The following C11orf65 variants were observed in gnomAD, a reference collection of about 807,000 sequenced individuals.
C11orf65 encodes the protein protein MFI.
A neutral mutation model predicts 35.3 loss-of-function variants in C11orf65; 38 were observed. The ratio of observed to expected loss-of-function variants is 1.08; its 90% CI spans 0.83 to 1.41. The LOEUF is 1.41. Ranked by LOEUF, C11orf65 falls within the 40% of genes most tolerant of loss-of-function variation. The pLI, the probability that C11orf65 is intolerant of heterozygous loss-of-function variation, is 0.00. For missense variants in C11orf65, 370 were observed against 367.1 expected (o/e 1.01, Z -0.06); for synonymous variants, 105 against 114.4 (o/e 0.92, Z 0.53).
intron 7 of C11orf65, among the ~76,000 whole-genome samples, chr11:108,391,128 A>G (rs537648971): frequency 4.7e-5 from 7 of 149,156 alleles, no homozygotes; most frequent in African/African-American, 1.7e-4. Flanking sequence ...TTCCTACCCC[A>G]TTTTCTTATC....
At chr11:108,375,614 G>A (rs1044065182) in intron 2 of C11orf65, among the ~76,000 whole-genome samples, 2 of 152,006 alleles carry the variant, frequency 1.3e-5, no homozygotes, top group Non-Finnish European at 2.9e-5. Context: ...CATAATGACA[G>A]GATCAAATTC....
At chr11:108,448,633 C>T (rs555796269) in intron 2 of C11orf65, among the ~76,000 whole-genome samples, 3 of 152,210 alleles carry the variant, frequency 2.0e-5, no homozygotes, top group Non-Finnish European at 4.4e-5. Flanking sequence ...TGGGACGTAT[C>T]TCAAAATAAT....
rs2086241714 is a variant in C11orf65, at chr11:108,331,591, ATT to A, written c.300-26_300-25del. The A allele has an allele frequency of 2.6e-6, 4 of 1,546,680 alleles. No individual in the cohort carries two copies. The African/African-American group carries it at 5.5e-5, about 21-fold the overall frequency. On this transcript the variant is annotated intron_variant, in intron 3 of 3. Coordinates refer to the C11orf65 transcript ENST00000524755. ...ACCTGAAAATCAAACCACAATAATT[ATT>A]TTTATTCTATTATTACTATATATTA...
chr11:108,466,539 A>C (rs2093541036), intron 1 of C11orf65, among the ~76,000 whole-genome samples: 1 of 152,102 alleles, frequency 6.6e-6, no homozygotes, highest in Admixed American at 6.6e-5. Flanking sequence ...ACGCCACTGC[A>C]CTCAGCCTGG....
chr11:108,362,838 T>G (rs1280869983), intron 2 of C11orf65, among the ~76,000 whole-genome samples: 3 of 148,492 alleles, frequency 2.0e-5, no homozygotes, highest in African/African-American at 7.4e-5. Flanking sequence ...TTGGGAGATA[T>G]ACCTAATGCT....
At chr11:108,313,072 G>A (rs1019232936) in intron 6 of C11orf65, among the ~76,000 whole-genome samples, 1 of 152,102 alleles carries the variant, frequency 6.6e-6, no homozygotes, top group African/African-American at 2.4e-5. Context: ...AGGAAATCTC[G>A]CCACATCCCA....
In C11orf65 at chr11:108,373,714, G is replaced by C. The variant is rs551022749; in HGVS notation, c.226+19494C>G. Reference sequence around the variant, plus strand: ...AGCGCACCGTGCGCCAGCCGAAGCAGGGCGTGGCATCGCATCACACGGGAA... The same window carrying C: ...AGCGCACCGTGCGCCAGCCGAAGCACGGCGTGGCATCGCATCACACGGGAA... On this transcript the variant is annotated intron_variant, in intron 2 of 3. Transcript: ENST00000524755. Among the ~76,000 whole-genome samples, 37 of 152,364 alleles carry C rather than the reference G, an allele frequency of 2.4e-4. No individual in the cohort carries two copies. The East Asian group carries it at 6.9e-3, about 29-fold the overall frequency.
chr11:108,389,802 C>T (rs1004663994), intron 7 of C11orf65, among the ~76,000 whole-genome samples: 5 of 151,564 alleles, frequency 3.3e-5, no homozygotes, highest in African/African-American at 1.2e-4. Flanking sequence ...TCATGCCATT[C>T]TCCTGCCTCG....
intron 6 of C11orf65, among the ~76,000 whole-genome samples, chr11:108,313,418 C>A (rs1042327901): frequency 6.6e-6 from 1 of 152,166 alleles, no homozygotes; most frequent in East Asian, 1.9e-4. Context: ...GCATTTCCCC[C>A]CCTTCCATTT....
At chr11:108,396,607 G>A (rs961207871) in intron 6 of C11orf65, among the ~76,000 whole-genome samples, 11 of 151,554 alleles carry the variant, frequency 7.3e-5, no homozygotes, top group South Asian at 2.1e-4. Context: ...CAAGGCGGGC[G>A]GATCACGAGG....
chr11:108,405,504 T>C lies in C11orf65; in HGVS notation c.485A>G (p.His162Arg), dbSNP rs2092524834. The C allele has an allele frequency of 1.2e-6, 2 of 1,613,288 alleles. No individual in the cohort carries two copies. The highest frequency in any genetic ancestry group is 1.1e-5 in the South Asian group (1 of 90,986). Residue 162 changes from histidine to arginine, a missense_variant, in exon 6 of 9, where the codon CAT (histidine) becomes CGT (arginine). By Grantham distance (29) the His-to-Arg change is conservative. Coordinates refer to ENST00000393084, the MANE Select transcript of C11orf65 (RefSeq NM_152587.5). ...VVEDKKESEF[H>R]FSKLKRRQDL... ...TTGCCTTCTCTTCAGTTTAGAGAAA[T>C]GGAATTCACTTTCCTTTTTGTCTTC...
In C11orf65 at chr11:108,408,726, AATAAAATGAT is replaced by A. The variant is rs1216124197; in HGVS notation, c.175-1587_175-1578del. Reference sequence around the variant, plus strand: ...AATAAAATAAAATAAAATAAAATAAAATAAAATGATATAAGAATTGTATATAATAGGTTTT... The same window carrying A: ...AATAAAATAAAATAAAATAAAATAAAATAAGAATTGTATATAATAGGTTTT... On this transcript the variant is annotated intron_variant, in intron 3 of 8. Coordinates refer to ENST00000393084, the MANE Select transcript of C11orf65 (RefSeq NM_152587.5). Among the ~76,000 whole-genome samples the A allele has an allele frequency of 7.5e-4, 87 of 116,730 alleles. 4 individuals are homozygous for A. Among genetic ancestry groups the A allele is most frequent in the African/African-American group, 3.5e-3 (79 of 22,278 alleles). 76.6% of individuals were successfully genotyped at this position (116,730 alleles called of 152,430 possible). A position where few individuals can be genotyped will look rare whatever the true frequency, so the allele number is the denominator to read the frequency against.
intron 3 of C11orf65, among the ~76,000 whole-genome samples, chr11:108,408,001 TTA>T (rs1228668405): frequency 4.4e-4 from 19 of 42,800 alleles, no homozygotes; most frequent in African/African-American, 2.6e-3. Flanking sequence ...TTTCTTTTTA[TTA>T]TTATTATTAT....
At chr11:108,394,281 C>T in intron 6 of C11orf65, among the ~76,000 whole-genome samples, 1 of 151,154 alleles carries the variant, frequency 6.6e-6, no homozygotes, top group East Asian at 1.9e-4. Context: ...AAATATCATT[C>T]AAAGCTGGGC....
At chr11:108,356,478 G>C (rs2089933223) in intron 2 of C11orf65, among the ~76,000 whole-genome samples, 1 of 148,790 alleles carries the variant, frequency 6.7e-6, no homozygotes, top group Non-Finnish European at 1.5e-5. Flanking sequence ...GGAGGTTGTA[G>C]TGAGCTGAAA....
intron 2 of C11orf65, among the ~76,000 whole-genome samples, chr11:108,452,359 CA>C (rs1354649872): frequency 6.6e-6 from 1 of 152,050 alleles, no homozygotes; most frequent in Non-Finnish European, 1.5e-5. Flanking sequence ...TATGTCTTCT[CA>C]AAAGAAGACA....
chr11:108,421,732 C>T (rs889120249), intron 3 of C11orf65, among the ~76,000 whole-genome samples: 2 of 152,100 alleles, frequency 1.3e-5, no homozygotes, highest in East Asian at 1.9e-4. Flanking sequence ...TACACTCTGG[C>T]CCCAAAAAGC....
intron 2 of C11orf65, among the ~76,000 whole-genome samples, chr11:108,351,096 C>T (rs1205458283): frequency 6.6e-6 from 1 of 152,100 alleles, no homozygotes; most frequent in Non-Finnish European, 1.5e-5. Flanking sequence ...AATAATAACA[C>T]ACAATATAGA....
chr11:108,316,247 A>G, intron 6 of C11orf65: 1 of 934,032 alleles, frequency 1.1e-6, no homozygotes, highest in African/African-American at 1.6e-5. Context: ...TCAGAGGATT[A>G]GGCTAAACAT....
Sources: allele counts gnomAD v4.1 joint callset (sites outside exome capture counted in the v4.1 genomes callset), GRCh38; gene constraint gnomAD v4.1.1; transcripts MANE v1.5; gene names NCBI Gene and HGNC (gene_info 2026-07-23, HGNC 2026-07-21).